The following ATXN2 variants were observed in gnomAD, a reference collection of about 807,000 sequenced individuals.
The protein encoded by ATXN2 is ataxin 2.
In ATXN2, 37 loss-of-function variants were observed where a neutral mutation model predicts 138.6. The observed-to-expected ratio is 0.27, with a 90% CI of 0.21 to 0.35. The LOEUF (loss-of-function observed/expected upper bound fraction) is 0.35, where lower values mean the gene tolerates loss of function less well. ATXN2 is among the 10% of genes least tolerant of loss of function. The probability of loss-of-function intolerance (pLI) is 1.00; values close to 1 mark genes in which losing one functional copy is unlikely to be tolerated. For synonymous variants in ATXN2, 549 were observed against 543.7 expected, an observed-to-expected ratio of 1.01 and a Z score of -0.13; for missense variants, 1,216 against 1,480.3, an observed-to-expected ratio of 0.82 and a Z score of 2.93.
At chr12:111,498,381 G>A (rs570574586) in intron 14 of ATXN2, among the ~76,000 whole-genome samples, 2 of 152,126 alleles carry the variant, frequency 1.3e-5, no homozygotes, top group African/African-American at 4.8e-5. Flanking sequence ...AAAATTGCAG[G>A]ATACAAAAAT....
chr12:111,507,183 A>G (rs1460475418), intron 14 of ATXN2, among the ~76,000 whole-genome samples: 6 of 127,016 alleles, frequency 4.7e-5, no homozygotes, highest in African/African-American at 1.5e-4. Flanking sequence ...AGTGAGGAGC[A>G]CCTCTTCCCG....
At position 111,519,871 on chromosome 12, in the gene ATXN2, T is replaced by C. The variant is rs748150807; in HGVS notation, c.986+8A>G. The C allele has an allele frequency of 6.2e-7, 1 of 1,614,158 alleles. No homozygotes were observed. Among genetic ancestry groups the C allele is most frequent in the Admixed American group, 1.7e-5 (1 of 60,028 alleles). Reference sequence around the variant, plus strand: ...CCAAAATACTGCATCATGATTTCCTTTAAATACCTAGTGTTTATGCTGTGC... The same window carrying C: ...CCAAAATACTGCATCATGATTTCCTCTAAATACCTAGTGTTTATGCTGTGC... On this transcript the variant is annotated splice_region_variant and intron_variant, in intron 8 of 24. Transcript: ENST00000673436.
chr12:111,593,878 C>A (rs986795542), intron 1 of ATXN2, among the ~76,000 whole-genome samples: 1 of 152,126 alleles, frequency 6.6e-6, no homozygotes. Context: ...AAGGATGATG[C>A]CATTTAAACC....
chr12:111,495,034 G>A (rs185759349), intron 14 of ATXN2, among the ~76,000 whole-genome samples: 4 of 152,076 alleles, frequency 2.6e-5, no homozygotes, highest in Non-Finnish European at 4.4e-5. Flanking sequence ...GGCTGGGTGC[G>A]GTGGCTCACG....
intron 1 of ATXN2, chr12:111,581,429 C>A: frequency 1.3e-6 from 1 of 763,882 alleles, no homozygotes. Context: ...CGGCCATCCC[C>A]CTAACTATGA....
In ATXN2 at chr12:111,470,621, G is replaced by C; in HGVS notation, c.2646C>G (p.Ala882=). ...TPPAYSTQYV[A]YSPQQFPNQP... is the part of the protein sequence containing the mutation. ...GATTTGGGAACTGCTGAGGACTGTA[G>C]GCAACATATTGCGTGGAGTAAGCTG... Residue 882 remains alanine, a synonymous_variant, in exon 19 of 25, where the codon GCC becomes GCG. Transcript: ENST00000673436. 6.2e-7 allele frequency: 1 copy of C among 1,614,144 alleles called. No individual in the cohort carries two copies. Among genetic ancestry groups the C allele is most frequent in the Non-Finnish European group, 8.5e-7 (1 of 1,180,022 alleles).
intron 23 of ATXN2, chr12:111,455,135 T>C (rs1874977133): frequency 1.4e-6 from 1 of 702,722 alleles, no homozygotes; most frequent in Non-Finnish European, 2.6e-6. Context: ...TAACAGGAAA[T>C]GGAATTCATT....
At chr12:111,452,949 A>C in intron 24 of ATXN2, 109 bp from the exon 25 acceptor site, 2 of 1,305,242 alleles carry the variant, frequency 1.5e-6, no homozygotes, top group African/African-American at 1.6e-5. Flanking sequence ...GCTGAACAAA[A>C]CTCAAAATTG....
intron 2 of ATXN2, among the ~76,000 whole-genome samples, chr12:111,555,538 TGAA>T (rs1436034408): frequency 2.0e-5 from 3 of 152,152 alleles, no homozygotes; most frequent in Non-Finnish European, 4.4e-5. Context: ...TGTCGCTATG[TGAA>T]GAAGGATGTG....
intron 11 of ATXN2, chr12:111,512,559 A>G (rs571086051): frequency 2.1e-5 from 3 of 145,400 alleles, no homozygotes; most frequent in African/African-American, 5.2e-5. Context: ...AGTTCATGCC[A>G]TTCTCCTGCC....
intron 14 of ATXN2, among the ~76,000 whole-genome samples, chr12:111,504,010 A>T (rs1169300970): frequency 6.6e-6 from 1 of 152,264 alleles, no homozygotes; most frequent in Non-Finnish European, 1.5e-5. Flanking sequence ...TAGTAAGACT[A>T]AAACTCCTAA....
Position 111,453,103 on chromosome 12 carries a change from C to T in ATXN2, c.3440-263G>A, listed in dbSNP as rs1874793168. Reference sequence around the variant, plus strand: ...GGTAGAAAAAAAGGCCTTAACAAACCCCCTCCCCAAATATTAGCCAAGCAC... The same window carrying T: ...GGTAGAAAAAAAGGCCTTAACAAACTCCCTCCCCAAATATTAGCCAAGCAC... On this transcript the variant is annotated intron_variant, in intron 24 of 24. Coordinates refer to ENST00000673436, the MANE Select transcript of ATXN2 (RefSeq NM_001372574.1). The surrounding 1 kb of genome is among the most constrained non-coding windows in gnomAD (Gnocchi z 5.4). 2 of 1,262,792 alleles carry T rather than the reference C, an allele frequency of 1.6e-6. No homozygotes were observed. Among genetic ancestry groups the T allele is most frequent in the Non-Finnish European group, 2.0e-6 (2 of 1,004,338 alleles). The allele number at this position is 1,262,792 out of a possible 1,614,324, so 78.2% of individuals were successfully genotyped here. A position where few individuals can be genotyped will look rare whatever the true frequency, so the allele number is the denominator to read the frequency against.
chr12:111,597,897 G>C, intron 1 of ATXN2: 1 of 1,286,934 alleles, frequency 7.8e-7, no homozygotes, highest in African/African-American at 1.5e-5. Context: ...GGTCCAGCCT[G>C]GGTCCAGCCC....
intron 14 of ATXN2, among the ~76,000 whole-genome samples, chr12:111,504,439 C>G (rs536391668): frequency 6.6e-6 from 1 of 152,166 alleles, no homozygotes; most frequent in South Asian, 2.1e-4. Context: ...TACAGGTGTG[C>G]GCCACCACAC....
intron 14 of ATXN2, among the ~76,000 whole-genome samples, chr12:111,495,689 G>GA (rs1206886621): frequency 2.6e-5 from 4 of 152,124 alleles, no homozygotes; most frequent in African/African-American, 9.7e-5. Context: ...CATTCAGACA[G>GA]AAAATCAACA....
At position 111,599,308 on chromosome 12, in the gene ATXN2, C is replaced by T. The variant is rs1426372064; in HGVS notation, c.-274G>A. On this transcript the variant is annotated 5_prime_UTR_variant, in exon 1 of 25. Transcript: ENST00000673436. ...CAAAACAGTCTGAGGCGGAGGGAGG[C>T]GAGCTCTGCCGGGAGGGAGGGGGGC... 4 of 954,952 alleles carry T rather than the reference C, an allele frequency of 4.2e-6. No homozygotes were observed. Among genetic ancestry groups the T allele is most frequent in the South Asian group, 9.9e-5 (2 of 20,296 alleles). 59.2% of individuals were successfully genotyped at this position (954,952 alleles called of 1,614,324 possible). A position where few individuals can be genotyped will look rare whatever the true frequency, so the allele number is the denominator to read the frequency against.
chr12:111,465,807 G>A (rs555418996), intron 20 of ATXN2, among the ~76,000 whole-genome samples: 1 of 146,008 alleles, frequency 6.8e-6, no homozygotes, highest in African/African-American at 2.6e-5. Flanking sequence ...AGATGTGAGA[G>A]GAAAAAAAAT....
intron 1 of ATXN2, chr12:111,564,813 T>C (rs928147708): frequency 6.6e-6 from 1 of 152,220 alleles, no homozygotes; most frequent in Non-Finnish European, 1.5e-5. Flanking sequence ...TATTTACTAC[T>C]TCTGCATGGG....
intron 8 of ATXN2, 98 bp from the exon 9 acceptor site, chr12:111,518,525 C>CA: frequency 7.7e-7 from 1 of 1,301,190 alleles, no homozygotes; most frequent in South Asian, 1.7e-5. Context: ...ATGCTTGTTA[C>CA]AAAAAGGTTC....
Sources: allele counts gnomAD v4.1 joint callset (sites outside exome capture counted in the v4.1 genomes callset), GRCh38; gene constraint gnomAD v4.1.1; non-coding constraint Gnocchi (gnomAD v3.1); transcripts MANE v1.5; gene names NCBI Gene and HGNC (gene_info 2026-07-23, HGNC 2026-07-21).